FMNL2: variants seen among roughly 807,000 people sequenced by gnomAD.
FMNL2 encodes the protein formin-like protein 2.
A neutral mutation model predicts 130.2 loss-of-function variants in FMNL2; 51 were observed. The observed-to-expected ratio is 0.39, with a 90% confidence interval of 0.31 to 0.49. The LOEUF (loss-of-function observed/expected upper bound fraction) is 0.49, where lower values mean the gene tolerates loss of function less well. FMNL2 is among the 20% of genes least tolerant of loss of function. The probability of loss-of-function intolerance (pLI) is 0.85; values close to 1 mark genes in which losing one functional copy is unlikely to be tolerated. For missense variants in FMNL2, 977 were observed against 1,316.2 expected, an observed-to-expected ratio of 0.74 and a Z score of 3.99; for synonymous variants, 465 against 467.1, an observed-to-expected ratio of 1.00 and a Z score of 0.06.
chr2:152,420,256 G>C (rs1285432674), intron 1 of FMNL2, among the ~76,000 whole-genome samples: 3 of 152,172 alleles, frequency 2.0e-5, no homozygotes, highest in Non-Finnish European at 4.4e-5. Flanking sequence ...ACAAATTATA[G>C]AAACTTTCAG....
At chr2:152,589,374 C>G (rs1697261178) in intron 9 of FMNL2, among the ~76,000 whole-genome samples, 1 of 152,056 alleles carries the variant, frequency 6.6e-6, no homozygotes, top group South Asian at 2.1e-4. Context: ...CGTGTTATTT[C>G]TATTCCTATA....
intron 1 of FMNL2, among the ~76,000 whole-genome samples, chr2:152,391,908 GTTTTTTT>G (rs10584642): frequency 9.0e-6 from 1 of 111,106 alleles, no homozygotes; most frequent in Non-Finnish European, 1.8e-5. Context: ...GCTAGAAGTT[GTTTTTTT>G]TTTTTTTTTT....
intron 15 of FMNL2, among the ~76,000 whole-genome samples, chr2:152,622,749 A>T (rs529699361): frequency 6.7e-6 from 1 of 148,586 alleles, no homozygotes; most frequent in East Asian, 2.0e-4. Context: ...TACATAAGAG[A>T]CTATTGTCCT....
intron 1 of FMNL2, among the ~76,000 whole-genome samples, chr2:152,415,072 A>G (rs766431383): frequency 3.3e-5 from 5 of 152,140 alleles, no homozygotes. Context: ...GCTGTGGGTC[A>G]CTAATACTTG....
In FMNL2 at chr2:152,620,860, A is replaced by G. The variant is rs1252391850; in HGVS notation, c.1837+1142A>G. On this transcript the variant is annotated intron_variant, in intron 15 of 25. Coordinates refer to ENST00000288670, the MANE Select transcript of FMNL2 (RefSeq NM_052905.4). ...TACTTCCACCCCGACTTCTATATAA[A>G]ACTGTCAGGGAAACAAGATTCCAGT... 3 of 903,356 alleles carry G rather than the reference A, an allele frequency of 3.3e-6. No homozygotes were observed. The African/African-American group carries it at 5.4e-5, about 16-fold the overall frequency. The allele number at this position is 903,356 out of a possible 1,614,324, so 56.0% of individuals were successfully genotyped here.
intron 21 of FMNL2, among the ~76,000 whole-genome samples, chr2:152,634,731 G>T (rs1682440142): frequency 6.6e-6 from 1 of 152,212 alleles, no homozygotes; most frequent in Non-Finnish European, 1.5e-5. Context: ...AGCGTTGGTT[G>T]TGCAATGTGC....
intron 9 of FMNL2, among the ~76,000 whole-genome samples, chr2:152,585,952 A>T (rs1443408270): frequency 6.6e-6 from 1 of 151,456 alleles, no homozygotes; most frequent in African/African-American, 2.4e-5. Context: ...TTCCTTCTGA[A>T]GTCAAAGAGG....
chr2:152,391,555 T>C (rs1685107980), intron 1 of FMNL2, among the ~76,000 whole-genome samples: 1 of 152,006 alleles, frequency 6.6e-6, no homozygotes, highest in African/African-American at 2.4e-5. Context: ...AATAGAGCTG[T>C]GTGCCAGGGG....
At chr2:152,387,748 G>T (rs1684863957) in intron 1 of FMNL2, among the ~76,000 whole-genome samples, 1 of 151,916 alleles carries the variant, frequency 6.6e-6, no homozygotes, top group Non-Finnish European at 1.5e-5. Context: ...CAAACTTTTG[G>T]ACTCAAGCCA....
chr2:152,356,190 G>A (rs748921181), intron 1 of FMNL2, among the ~76,000 whole-genome samples: 3 of 152,198 alleles, frequency 2.0e-5, no homozygotes, highest in Non-Finnish European at 4.4e-5. Context: ...AGGCTGGAGT[G>A]CAATGGCACA....
At chr2:152,586,126 CTGTA>C (rs1357279873) in intron 9 of FMNL2, among the ~76,000 whole-genome samples, 1 of 152,128 alleles carries the variant, frequency 6.6e-6, no homozygotes, top group Admixed American at 6.6e-5. Flanking sequence ...TCATCTGCTT[CTGTA>C]ATGACAGCAT....
At chr2:152,511,866 A>C (rs761834874) in intron 1 of FMNL2, among the ~76,000 whole-genome samples, 27 of 152,196 alleles carry the variant, frequency 1.8e-4, no homozygotes, top group Non-Finnish European at 3.8e-4. Context: ...CTGCAGTCTC[A>C]TGGCTTTCTT....
At chr2:152,480,205 A>T (rs1271153396) in intron 1 of FMNL2, among the ~76,000 whole-genome samples, 1 of 152,212 alleles carries the variant, frequency 6.6e-6, no homozygotes, top group Non-Finnish European at 1.5e-5. Flanking sequence ...ATCACACAGC[A>T]ACTACCTGTT....
At chr2:152,609,065 A>G (rs1486232626) in intron 10 of FMNL2, among the ~76,000 whole-genome samples, 1 of 152,174 alleles carries the variant, frequency 6.6e-6, no homozygotes, top group Non-Finnish European at 1.5e-5. Flanking sequence ...CTGCTCATTT[A>G]TGATACCTGC....
intron 1 of FMNL2, among the ~76,000 whole-genome samples, chr2:152,400,778 G>T (rs1481567880): frequency 2.0e-5 from 3 of 152,218 alleles, no homozygotes; most frequent in Admixed American, 2.0e-4. Context: ...GAGTAGCACT[G>T]CCTCTTCCCA....
chr2:152,454,135 G>A (rs1455873872), intron 1 of FMNL2, among the ~76,000 whole-genome samples: 1 of 152,062 alleles, frequency 6.6e-6, no homozygotes, highest in Non-Finnish European at 1.5e-5. Flanking sequence ...AATTTAGCTG[G>A]GCATGGTGGC....
At chr2:152,425,476 T>A (rs1558852758) in intron 1 of FMNL2, among the ~76,000 whole-genome samples, 1 of 152,248 alleles carries the variant, frequency 6.6e-6, no homozygotes. Context: ...ATAATCTTTT[T>A]CTGACAATTC....
chr2:152,637,495 T>G, intron 22 of FMNL2, 78 bp from the exon 23 acceptor site: 1 of 1,120,200 alleles, frequency 8.9e-7, no homozygotes, highest in South Asian at 1.3e-5. Flanking sequence ...GGCTGCTGCT[T>G]TGCATCAGCG....
At chr2:152,376,260 G>T (rs962082542) in intron 1 of FMNL2, among the ~76,000 whole-genome samples, 4 of 152,154 alleles carry the variant, frequency 2.6e-5, no homozygotes, top group African/African-American at 4.8e-5. Flanking sequence ...TCATCAGTTG[G>T]TGGACGTTTA....
Sources: allele counts gnomAD v4.1 joint callset (sites outside exome capture counted in the v4.1 genomes callset), GRCh38; gene constraint gnomAD v4.1.1; transcripts MANE v1.5; gene names NCBI Gene and HGNC (gene_info 2026-07-23, HGNC 2026-07-21).